PALD1: variants seen among roughly 807,000 people sequenced by gnomAD.
PALD1 encodes the protein paladin.
Under a neutral mutation model 96.0 loss-of-function variants are expected in PALD1, and 57 were observed. The observed-to-expected ratio is 0.59, with a 90% CI of 0.48 to 0.74. The LOEUF is 0.74. Ranked by LOEUF, PALD1 falls within the 30% of genes least tolerant of loss-of-function variation. PALD1 has a pLI of 0.00. For missense variants in PALD1, 1,063 were observed against 1,143.7 expected (o/e 0.93, Z 1.02); for synonymous variants, 464 against 473.6 (o/e 0.98, Z 0.26).
chr10:70,510,205 CA>C (rs1335006480), intron 1 of PALD1, among the ~76,000 whole-genome samples: 1 of 152,048 alleles, frequency 6.6e-6, no homozygotes, highest in Non-Finnish European at 1.5e-5. Flanking sequence ...GCCCAGAATC[CA>C]GGTCATGGTT....
At chr10:70,532,521 G>T in intron 5 of PALD1, 100 bp from the exon 6 acceptor site, 1 of 1,194,224 alleles carries the variant, frequency 8.4e-7, no homozygotes, top group Non-Finnish European at 1.2e-6. Flanking sequence ...GCCTGCCTGT[G>T]GCCTCTGCAT....
At chr10:70,495,196 G>A (rs953028524) in intron 1 of PALD1, among the ~76,000 whole-genome samples, 1 of 152,202 alleles carries the variant, frequency 6.6e-6, no homozygotes, top group East Asian at 1.9e-4. Flanking sequence ...TTCATACGTC[G>A]GCATAGGCCT....
At position 70,539,826 on chromosome 10, in the gene PALD1, G is replaced by A. The variant is rs558635782; in HGVS notation, c.1908+64G>A. On this transcript the variant is annotated intron_variant, in intron 15 of 19. Coordinates refer to ENST00000263563, the MANE Select transcript of PALD1 (RefSeq NM_014431.3). The surrounding 1 kb of genome is among the most constrained non-coding windows in gnomAD (Gnocchi z 4.5). Reference sequence around the variant, plus strand: ...CAGGAGGCCTCCCTGTCTCCCCTCTGGTCTGGGCTCTGGGAGAATGAAACG... The same window carrying A: ...CAGGAGGCCTCCCTGTCTCCCCTCTAGTCTGGGCTCTGGGAGAATGAAACG... 218 of 1,432,604 alleles carry A rather than the reference G, an allele frequency of 1.5e-4. 1 individual carries two copies. The highest frequency in any genetic ancestry group is 1.3e-3 in the African/African-American group (92 of 69,094). The allele number at this position is 1,432,604 out of a possible 1,614,324, so 88.7% of individuals were successfully genotyped here.
chr10:70,553,247 G>A (rs569796433), intron 18 of PALD1, among the ~76,000 whole-genome samples: 51 of 152,314 alleles, frequency 3.3e-4, no homozygotes, highest in Non-Finnish European at 4.6e-4. Context: ...GGACAGACAG[G>A]CAGGTTCCAT....
intron 1 of PALD1, among the ~76,000 whole-genome samples, chr10:70,510,178 G>T (rs1589186484): frequency 6.6e-6 from 1 of 152,168 alleles, no homozygotes; most frequent in Non-Finnish European, 1.5e-5. Flanking sequence ...ACAGTGGTGG[G>T]TGGGATGGAG....
At chr10:70,469,553 G>T in the PALD1 span, among the ~76,000 whole-genome samples, 2 of 152,094 alleles carry the variant, frequency 1.3e-5, no homozygotes, top group Admixed American at 1.3e-4. Context: ...GATAAGCTGG[G>T]CTGGGTTCCC....
At chr10:70,566,534 A>T in intron 19 of PALD1, 47 bp from the exon 20 acceptor site, 1 of 1,495,920 alleles carries the variant, frequency 6.7e-7, no homozygotes, top group Non-Finnish European at 9.1e-7. Context: ...CCTTAGTGGC[A>T]CCCTCCCTCC....
At chr10:70,564,323 C>T (rs1055432875) in intron 18 of PALD1, 41 bp from the exon 19 acceptor site, 32 of 1,571,526 alleles carry the variant, frequency 2.0e-5, no homozygotes, top group South Asian at 8.2e-5. Flanking sequence ...TTGGGGGACA[C>T]GGATCCCCCC....
chr10:70,565,983 T>C (rs528554534), intron 19 of PALD1, among the ~76,000 whole-genome samples: 212 of 152,262 alleles, frequency 1.4e-3, no homozygotes, highest in Admixed American at 2.9e-3. Context: ...AGCCCCTCTC[T>C]CCTGCGGATG....
At chr10:70,508,098 G>C (rs947089501) in intron 1 of PALD1, among the ~76,000 whole-genome samples, 3 of 152,174 alleles carry the variant, frequency 2.0e-5, no homozygotes, top group African/African-American at 7.2e-5. Flanking sequence ...CTGGTGTGTG[G>C]CCCTCAAACT....
At chr10:70,495,314 G>A (rs1041858926) in intron 1 of PALD1, among the ~76,000 whole-genome samples, 1 of 152,114 alleles carries the variant, frequency 6.6e-6, no homozygotes, top group Non-Finnish European at 1.5e-5. Flanking sequence ...TATCATAATC[G>A]TGTTCCCTGG....
intron 1 of PALD1, among the ~76,000 whole-genome samples, chr10:70,485,162 T>A (rs902327757): frequency 9.5e-6 from 1 of 105,786 alleles, no homozygotes; most frequent in Non-Finnish European, 1.9e-5. Context: ...TATCTTATTA[T>A]TAAAGTTAAA....
At chr10:70,556,279 C>CCTCTCTCTCTCTCT (rs112574716) in intron 18 of PALD1, among the ~76,000 whole-genome samples, 1,304 of 128,620 alleles carry the variant, frequency 0.01, 33 homozygotes, top group African/African-American at 0.034. Context: ...GTAGCCGAGA[C>CCTCTCTCTCTCTCT]CTCTCTCTCT....
the PALD1 span, among the ~76,000 whole-genome samples, chr10:70,472,523 A>G: frequency 4.4e-3 from 668 of 152,236 alleles, 6 homozygotes; most frequent in African/African-American, 0.015. Context: ...AGCCTCCCAA[A>G]GTGCTGGGAT....
intron 1 of PALD1, among the ~76,000 whole-genome samples, chr10:70,504,370 T>C (rs1846348991): frequency 6.6e-6 from 1 of 152,044 alleles, no homozygotes; most frequent in Non-Finnish European, 1.5e-5. Context: ...CTACTAAAAA[T>C]ACAAAAATTA....
the PALD1 span, among the ~76,000 whole-genome samples, chr10:70,471,171 C>A: frequency 6.6e-6 from 1 of 152,186 alleles, no homozygotes; most frequent in Non-Finnish European, 1.5e-5. Context: ...ATTAGCCAGG[C>A]TGGTCTTGAA....
rs1039306195 is a variant in PALD1, at chr10:70,539,899, G to A, written c.1908+137G>A. 12 of 697,892 alleles carry A rather than the reference G, an allele frequency of 1.7e-5. No homozygotes were observed. Among genetic ancestry groups the A allele is most frequent in the Admixed American group, 1.2e-4 (4 of 32,624 alleles). 43.2% of individuals were successfully genotyped at this position (697,892 alleles called of 1,614,324 possible). A position where few individuals can be genotyped will look rare whatever the true frequency, so the allele number is the denominator to read the frequency against. On this transcript the variant is annotated intron_variant, in intron 15 of 19. Transcript: ENST00000263563. The surrounding 1 kb of genome is among the most constrained non-coding windows in gnomAD (Gnocchi z 4.5). ...CGGGAATGGTCTCACGAGGTTTTCC[G>A]ATTTGGCCCAAGTGGTTTATTCACA...
At chr10:70,562,120 A>G (rs1381393077) in intron 18 of PALD1, among the ~76,000 whole-genome samples, 1 of 152,158 alleles carries the variant, frequency 6.6e-6, no homozygotes, top group Non-Finnish European at 1.5e-5. Flanking sequence ...TCCTACTTCC[A>G]TAAACCTGGG....
rs10823557 is a variant in PALD1, at chr10:70,506,231, C to T, written c.-29-19692C>T. Among the ~76,000 whole-genome samples the T allele has an allele frequency of 2.4e-3, 368 of 152,276 alleles. 2 individuals carry two copies. The highest frequency in any genetic ancestry group is 3.5e-3 in the Non-Finnish European group (239 of 68,024). On this transcript the variant is annotated intron_variant, in intron 1 of 19. Coordinates refer to ENST00000263563, the MANE Select transcript of PALD1 (RefSeq NM_014431.3). ...GTGACATTGGTGAATTTTGTCACCG[C>T]GAGTGCATATCTCTGGGAACACAGT...
Sources: allele counts gnomAD v4.1 joint callset (sites outside exome capture counted in the v4.1 genomes callset), GRCh38; gene constraint gnomAD v4.1.1; non-coding constraint Gnocchi (gnomAD v3.1); transcripts MANE v1.5; gene names NCBI Gene and HGNC (gene_info 2026-07-23, HGNC 2026-07-21).